The following PCMTD2 variants were observed in gnomAD, a reference collection of about 807,000 sequenced individuals.
The protein encoded by PCMTD2 is protein-L-isoaspartate O-methyltransferase domain-containing protein 2.
Under a neutral mutation model 33.4 loss-of-function variants are expected in PCMTD2, and 16 were observed. The ratio of observed to expected loss-of-function variants is 0.48; its 90% CI spans 0.32 to 0.73. PCMTD2 has a LOEUF of 0.73. Ranked by LOEUF, PCMTD2 falls within the 30% of genes least tolerant of loss-of-function variation. The pLI, the probability that PCMTD2 is intolerant of heterozygous loss-of-function variation, is 0.03. For missense variants in PCMTD2, 374 were observed against 449.9 expected, an observed-to-expected ratio of 0.83 and a Z score of 1.53; for synonymous variants, 161 against 160.8, an observed-to-expected ratio of 1.00 and a Z score of -0.01.
Position 64,275,612 on chromosome 20 carries a change from AC to A in PCMTD2, c.*2013del. The stretch of plus-strand genomic sequence containing the variant: ...TCTGGTGGTAATATATGTGAGAAAT[AC>A]TTTGGTGTTTACCTTATGAAAATAA... On this transcript the variant is annotated 3_prime_UTR_variant, in exon 6 of 6. Transcript: ENST00000308824. The A allele has an allele frequency of 6.6e-6, 1 of 152,342 alleles. No homozygotes were observed. Among genetic ancestry groups the A allele is most frequent in the East Asian group, 1.9e-4 (1 of 5,194 alleles). 9.4% of individuals were successfully genotyped at this position (152,342 alleles called of 1,614,324 possible). A position where few individuals can be genotyped will look rare whatever the true frequency, so the allele number is the denominator to read the frequency against.
At chr20:64,268,153 T>TAAAAGTTGTTTTATAA in intron 5 of PCMTD2, 143 bp downstream of exon 5, 2 of 563,360 alleles carry the variant, frequency 3.6e-6, no homozygotes, top group Non-Finnish European at 6.2e-6. Context: ...CTACAAGCAA[T>TAAAAGTTGTTTTATAA]TTCAGGCATT....
chr20:64,273,674 G>GA lies in PCMTD2; in HGVS notation c.*76dup, dbSNP rs1986003947. 1.5e-6 allele frequency: 2 copies of GA among 1,346,392 alleles called. No homozygotes were observed. The highest frequency in any genetic ancestry group is 2.9e-5 in the African/African-American group (2 of 68,538). The allele number at this position is 1,346,392 out of a possible 1,614,324, so 83.4% of individuals were successfully genotyped here. On this transcript the variant is annotated 3_prime_UTR_variant, in exon 6 of 6. Coordinates refer to ENST00000308824, the MANE Select transcript of PCMTD2 (RefSeq NM_018257.3). ...AAGTTCGTGCTGCCTGTGTGCTGTT[G>GA]AAGGGTCACCTGGAGGCAGACGTTG... is the stretch of plus-strand genomic sequence containing the variant.
At position 64,273,201 on chromosome 20, in the gene PCMTD2, C is replaced by T. The variant is rs1985977945; in HGVS notation, c.707-20C>T. The T allele has an allele frequency of 1.2e-6, 2 of 1,602,718 alleles. No homozygotes were observed. The highest frequency in any genetic ancestry group is 1.3e-5 in the African/African-American group (1 of 74,374). ...GTCACTCCGATGCATTTGACTGTGT[C>T]TCACTCTTCTGTGCTGCAGCACCAG... On this transcript the variant is annotated intron_variant, in intron 5 of 5. Transcript: ENST00000308824.
chr20:64,260,405 C>A, intron 2 of PCMTD2, 133 bp downstream of exon 2: 1 of 651,276 alleles, frequency 1.5e-6, no homozygotes, highest in Admixed American at 2.7e-5. Context: ...CTGACATTGA[C>A]ACATCACTGG....
chr20:64,259,659 G>C (rs1985318078), intron 1 of PCMTD2, among the ~76,000 whole-genome samples: 2 of 151,756 alleles, frequency 1.3e-5, no homozygotes, highest in South Asian at 4.2e-4. Context: ...CAAAGTGCTG[G>C]GATTACAGTC....
chr20:64,265,549 C>A, intron 4 of PCMTD2, 120 bp downstream of exon 4: 2 of 823,926 alleles, frequency 2.4e-6, no homozygotes, highest in South Asian at 2.1e-5. Context: ...GAAACAGAGG[C>A]AGGGACAGGT....
chr20:64,270,416 A>T (rs571593323), intron 5 of PCMTD2, among the ~76,000 whole-genome samples: 39 of 141,194 alleles, frequency 2.8e-4, no homozygotes, highest in Non-Finnish European at 3.7e-4. Context: ...GTGTGGGGTG[A>T]GTGTGGGCAC....
chr20:64,274,639 A>G lies in PCMTD2; in HGVS notation c.*1039A>G, dbSNP rs1341561394. 4 of 152,240 alleles carry G rather than the reference A, an allele frequency of 2.6e-5. No individual in the cohort carries two copies. Among genetic ancestry groups the G allele is most frequent in the Non-Finnish European group, 4.4e-5 (3 of 68,050 alleles). 9.4% of individuals were successfully genotyped at this position (152,240 alleles called of 1,614,324 possible). Reference sequence around the variant, plus strand: ...TAGATTCTATCTTTTATAATTCTGGAGAAAAAGATTTGTTAGTTTTGTAAT... The same window carrying G: ...TAGATTCTATCTTTTATAATTCTGGGGAAAAAGATTTGTTAGTTTTGTAAT... On this transcript the variant is annotated 3_prime_UTR_variant, in exon 6 of 6. Coordinates refer to ENST00000308824, the MANE Select transcript of PCMTD2 (RefSeq NM_018257.3).
intron 4 of PCMTD2, among the ~76,000 whole-genome samples, chr20:64,267,291 G>T (rs968106429): frequency 2.6e-5 from 4 of 152,100 alleles, no homozygotes; most frequent in African/African-American, 9.7e-5. Context: ...TGCTTTCGTG[G>T]GGGTGATATC....
At position 64,260,423 on chromosome 20, in the gene PCMTD2, A is replaced by G. The variant is rs887186035; in HGVS notation, c.307+151A>G. On this transcript the variant is annotated intron_variant, in intron 2 of 5. Transcript: ENST00000308824. ...ACATTGACACATCACTGGGTGGTGGATAGAGGGATGAGGGAGGAAGGCCTG... is the reference window on the plus strand; with the variant it reads ...ACATTGACACATCACTGGGTGGTGGGTAGAGGGATGAGGGAGGAAGGCCTG... 25 of 626,540 alleles carry G rather than the reference A, an allele frequency of 4.0e-5. 1 individual carries two copies. Among genetic ancestry groups the G allele is most frequent in the Non-Finnish European group, 6.5e-5 (23 of 353,198 alleles). The allele number at this position is 626,540 out of a possible 1,614,324, so 38.8% of individuals were successfully genotyped here.
At chr20:64,269,557 A>G (rs903595409) in intron 5 of PCMTD2, among the ~76,000 whole-genome samples, 3 of 152,164 alleles carry the variant, frequency 2.0e-5, no homozygotes, top group African/African-American at 4.8e-5. Flanking sequence ...AGTTTCCTAT[A>G]CTAGTAAATT....
Position 64,260,209 on chromosome 20 carries a change from C to G in PCMTD2, c.244C>G (p.Leu82Val). The G allele has an allele frequency of 1.2e-6, 2 of 1,613,856 alleles. No individual in the cohort carries two copies. The highest frequency in any genetic ancestry group is 1.1e-5 in the South Asian group (1 of 91,080). ...VMEALDLQPG[L>V]SFLNLGSGTG... ...GGAAGCCCTAGATCTGCAGCCTGGA[C>G]TCTCGTTTCTGAACCTGGGCAGTGG... is the stretch of plus-strand genomic sequence containing the variant. Residue 82 changes from leucine to valine, a missense_variant, in exon 2 of 6, where the codon CTC (leucine) becomes GTC (valine). By Grantham distance (32) the Leu-to-Val change is conservative. Transcript: ENST00000308824.
rs540761859 is a variant in PCMTD2, at chr20:64,275,785, T to G, written c.*2185T>G. On this transcript the variant is annotated 3_prime_UTR_variant, in exon 6 of 6. Coordinates refer to ENST00000308824, the MANE Select transcript of PCMTD2 (RefSeq NM_018257.3). Reference sequence around the variant, plus strand: ...ACCACATTCTTGACAACTATTTGCTTTTGAGTAGTTTGTATTTTAATATGT... The same window carrying G: ...ACCACATTCTTGACAACTATTTGCTGTTGAGTAGTTTGTATTTTAATATGT... The G allele has an allele frequency of 1.4e-4, 21 of 152,344 alleles. No individual in the cohort carries two copies. In the Middle Eastern group the frequency reaches 0.01, roughly 74 times the overall value. 9.4% of individuals were successfully genotyped at this position (152,344 alleles called of 1,614,324 possible). A position where few individuals can be genotyped will look rare whatever the true frequency, so the allele number is the denominator to read the frequency against.
At position 64,267,954 on chromosome 20, in the gene PCMTD2, C is replaced by G; in HGVS notation, c.650C>G (p.Ala217Gly). 6.2e-7 allele frequency: 1 copy of G among 1,613,104 alleles called. No individual in the cohort carries two copies. The highest frequency in any genetic ancestry group is 1.1e-5 in the South Asian group (1 of 91,052). The change falls in exon 5 of 6, where the codon GCT becomes GGT. Residue 217 changes from alanine to glycine, a missense_variant. By Grantham distance (60) the Ala-to-Gly change is moderately conservative. Coordinates refer to ENST00000308824, the MANE Select transcript of PCMTD2 (RefSeq NM_018257.3). ...ETKKILAVSF[A>G]PLIQPCHSES... ...AAAAAGATTCTTGCTGTTTCTTTTG[C>G]TCCTCTGATCCAGCCCTGCCATTCA...
intron 1 of PCMTD2, among the ~76,000 whole-genome samples, chr20:64,257,848 A>G: frequency 6.6e-6 from 1 of 152,226 alleles, no homozygotes; most frequent in Admixed American, 6.5e-5. Flanking sequence ...CCTCCTCACA[A>G]ACTGGCTATG....
chr20:64,257,572 A>G (rs1985220544), intron 1 of PCMTD2, among the ~76,000 whole-genome samples: 1 of 152,228 alleles, frequency 6.6e-6, no homozygotes, highest in Non-Finnish European at 1.5e-5. Flanking sequence ...TTTTGGTGAC[A>G]TCATGACTGA....
In PCMTD2 at chr20:64,267,954, C is replaced by T; in HGVS notation, c.650C>T (p.Ala217Val). The change falls in exon 5 of 6, where the codon GCT (alanine) becomes GTT (valine). Residue 217 changes from alanine (A) to valine (V), a missense_variant. By Grantham distance (64) the Ala-to-Val change is moderately conservative (BLOSUM62 0). Transcript: ENST00000308824. ...AAAAAGATTCTTGCTGTTTCTTTTG[C>T]TCCTCTGATCCAGCCCTGCCATTCA... ...ETKKILAVSF[A>V]PLIQPCHSES... 6.2e-7 allele frequency: 1 copy of T among 1,613,104 alleles called. No individual in the cohort carries two copies. The highest frequency in any genetic ancestry group is 8.5e-7 in the Non-Finnish European group (1 of 1,179,124).
At chr20:64,259,195 G>A (rs1470458251) in intron 1 of PCMTD2, among the ~76,000 whole-genome samples, 1 of 152,134 alleles carries the variant, frequency 6.6e-6, no homozygotes, top group African/African-American at 2.4e-5. Flanking sequence ...TTAGAAAAAG[G>A]TATTTGTCAC....
intron 4 of PCMTD2, among the ~76,000 whole-genome samples, chr20:64,267,621 A>G (rs543858167): frequency 1.3e-5 from 2 of 152,200 alleles, no homozygotes; most frequent in Non-Finnish European, 2.9e-5. Context: ...TCCTCTTGCT[A>G]TCCTATAACT....
Sources: allele counts gnomAD v4.1 joint callset (sites outside exome capture counted in the v4.1 genomes callset), GRCh38; gene constraint gnomAD v4.1.1; transcripts MANE v1.5; gene names NCBI Gene and HGNC (gene_info 2026-07-23, HGNC 2026-07-21).